Variants in SERINC5 observed in about 807,000 individuals in gnomAD.
SERINC5 encodes the protein serine incorporator 5, also known as chromosome 5 open reading frame 12.
SERINC5 carries 41 observed loss-of-function variants against 63.1 expected under a neutral mutation model. That is an observed-to-expected ratio of 0.65 (90% CI 0.51 to 0.84). The LOEUF is 0.84. Ranked by LOEUF, SERINC5 falls within the 40% of genes least tolerant of loss-of-function variation. The pLI, the probability that SERINC5 is intolerant of heterozygous loss-of-function variation, is 0.00. For missense variants in SERINC5, 523 were observed against 573.0 expected, an observed-to-expected ratio of 0.91 and a Z score of 0.89; for synonymous variants, 222 against 215.2, an observed-to-expected ratio of 1.03 and a Z score of -0.28.
intron 1 of SERINC5, among the ~76,000 whole-genome samples, chr5:80,238,103 C>CAAAAAAAAA (rs759062486): frequency 3.0e-5 from 2 of 65,670 alleles, no homozygotes; most frequent in Non-Finnish European, 6.1e-5. Context: ...GACTCTGTCT[C>CAAAAAAAAA]AAAAAAAAAA....
At chr5:80,114,123 A>G (rs182075222) in intron 11 of SERINC5, among the ~76,000 whole-genome samples, 1 of 152,122 alleles carries the variant, frequency 6.6e-6, no homozygotes, top group East Asian at 1.9e-4. Flanking sequence ...TGAAAGCTAA[A>G]CGTCTTCACC....
rs974823748 is a variant in SERINC5, at chr5:80,140,422, TAAAC to T, written c.*3237_*3240del. On this transcript the variant is annotated 3_prime_UTR_variant, in exon 12 of 12. Coordinates refer to ENST00000507668, the MANE Select transcript of SERINC5 (RefSeq NM_001174072.3). ...AAAGGATCTTCTGAGGAATCGGAAA[TAAAC>T]AATGTTGTATGGAAACAGAACCCCA... 23 of 975,266 alleles carry T rather than the reference TAAAC, an allele frequency of 2.4e-5. No individual in the cohort carries two copies. The highest frequency in any genetic ancestry group is 2.8e-5 in the Non-Finnish European group (23 of 827,758). The allele number at this position is 975,266 out of a possible 1,614,324, so 60.4% of individuals were successfully genotyped here.
intron 1 of SERINC5, among the ~76,000 whole-genome samples, chr5:80,204,699 G>T (rs1263858736): frequency 8.5e-5 from 13 of 152,170 alleles, no homozygotes; most frequent in Admixed American, 7.2e-4. Context: ...AAGAGAAGAA[G>T]CCAAGAACTA....
intron 11 of SERINC5, among the ~76,000 whole-genome samples, chr5:80,130,986 G>C (rs892681165): frequency 2.0e-5 from 3 of 152,222 alleles, no homozygotes; most frequent in Admixed American, 6.5e-5. Flanking sequence ...CAGTAAAGTA[G>C]GGTAGGAAAT....
At chr5:80,192,970 C>T (rs532689896) in intron 2 of SERINC5, among the ~76,000 whole-genome samples, 1 of 152,188 alleles carries the variant, frequency 6.6e-6, no homozygotes, top group East Asian at 1.9e-4. Flanking sequence ...AGTCTAGCAT[C>T]ACAGGCTCCT....
At chr5:80,152,225 G>T (rs1489513390) in intron 8 of SERINC5, among the ~76,000 whole-genome samples, 1 of 152,200 alleles carries the variant, frequency 6.6e-6, no homozygotes, top group African/African-American at 2.4e-5. Context: ...GCCCGGCTGG[G>T]TGTGGTGGCT....
intron 1 of SERINC5, among the ~76,000 whole-genome samples, chr5:80,243,718 C>CA (rs1353234024): frequency 6.7e-6 from 1 of 150,356 alleles, no homozygotes; most frequent in Non-Finnish European, 1.5e-5. Context: ...CCAGCCTGGG[C>CA]AACATAGTGA....
At position 80,205,260 on chromosome 5, in the gene SERINC5, C is replaced by A. The variant is rs553071280; in HGVS notation, c.28-2207G>T. On this transcript the variant is annotated intron_variant, in intron 1 of 11. Transcript: ENST00000507668. ...CCTTTCCATTGCACAGAGCTTTCTTCGTTCACTCCAACTTCACCCTTGTGT... is the reference window on the plus strand; with the variant it reads ...CCTTTCCATTGCACAGAGCTTTCTTAGTTCACTCCAACTTCACCCTTGTGT... Among the ~76,000 whole-genome samples, 88 of 152,324 alleles carry A rather than the reference C, an allele frequency of 5.8e-4. No individual in the cohort carries two copies. In the Middle Eastern group the frequency reaches 0.01, roughly 18 times the overall value.
Position 80,178,046 on chromosome 5 carries a change from T to C in SERINC5, c.214A>G (p.Met72Val). The C allele has an allele frequency of 6.3e-7, 1 of 1,595,816 alleles. No homozygotes were observed. Among genetic ancestry groups the C allele is most frequent in the Non-Finnish European group, 8.5e-7 (1 of 1,174,580 alleles). The change falls in exon 3 of 12, where the codon ATG (methionine) becomes GTG (valine). Residue 72 changes from methionine to valine, a missense_variant. Physicochemically the swap from Met to Val is conservative, Grantham distance 21. Coordinates refer to ENST00000507668, the MANE Select transcript of SERINC5 (RefSeq NM_001174072.3). ...TCACCAGCTTTAATGCCTTTACACA[T>C]ATCTTCAAAAAAAGGAATCTGAGGA... ...MKEHIPFFED[M>V]CKGIKAGDTC...
chr5:80,229,562 G>A (rs1479697801), intron 1 of SERINC5, among the ~76,000 whole-genome samples: 1 of 152,102 alleles, frequency 6.6e-6, no homozygotes, highest in Admixed American at 6.6e-5. Context: ...GCTCCTTAAT[G>A]TAGGGAGAAA....
intron 1 of SERINC5, among the ~76,000 whole-genome samples, chr5:80,208,396 AT>A (rs1422460461): frequency 5.3e-5 from 8 of 151,224 alleles, no homozygotes; most frequent in African/African-American, 1.9e-4. Context: ...ACCTAAGCCT[AT>A]TTTTTAAAAA....
At chr5:80,124,302 T>C (rs569225809) in intron 11 of SERINC5, among the ~76,000 whole-genome samples, 1 of 152,320 alleles carries the variant, frequency 6.6e-6, no homozygotes, top group Non-Finnish European at 1.5e-5. Context: ...GCTGGCCCAC[T>C]TGCAGCTTCC....
chr5:80,192,502 G>C (rs1580144205), intron 2 of SERINC5, among the ~76,000 whole-genome samples: 1 of 151,964 alleles, frequency 6.6e-6, no homozygotes, highest in Admixed American at 6.6e-5. Flanking sequence ...TTTCAGATGG[G>C]GTGGGAAGGA....
chr5:80,233,805 CT>C (rs373920343), intron 1 of SERINC5, among the ~76,000 whole-genome samples: 1,578 of 69,858 alleles, frequency 0.023, 14 homozygotes, highest in African/African-American at 0.043. Flanking sequence ...TCAACTTTTA[CT>C]TTTTTTTTTT....
chr5:80,193,998 A>C (rs1338858406), intron 2 of SERINC5, among the ~76,000 whole-genome samples: 2 of 152,162 alleles, frequency 1.3e-5, no homozygotes, highest in African/African-American at 2.4e-5. Flanking sequence ...CATGGTGAGA[A>C]TTTTCCCTCA....
intron 1 of SERINC5, among the ~76,000 whole-genome samples, chr5:80,224,096 G>C (rs941716784): frequency 7.3e-6 from 1 of 137,432 alleles, no homozygotes; most frequent in Non-Finnish European, 1.5e-5. Context: ...TCCTGTCATT[G>C]CACTCCAGCC....
At position 80,142,724 on chromosome 5, in the gene SERINC5, A is replaced by G. The variant is rs1322578808; in HGVS notation, c.*939T>C. ...AAAAAACTGAGGGGCTGACCTCAACAACTGAAAGAGCAGTGCATGCAGCAG... is the reference window on the plus strand; with the variant it reads ...AAAAAACTGAGGGGCTGACCTCAACGACTGAAAGAGCAGTGCATGCAGCAG... On this transcript the variant is annotated 3_prime_UTR_variant, in exon 12 of 12. Transcript: ENST00000507668. 6 of 985,352 alleles carry G rather than the reference A, an allele frequency of 6.1e-6. No individual in the cohort carries two copies. Among genetic ancestry groups the G allele is most frequent in the Non-Finnish European group, 6.0e-6 (5 of 829,942 alleles). The allele number at this position is 985,352 out of a possible 1,614,324, so 61.0% of individuals were successfully genotyped here.
intron 1 of SERINC5, among the ~76,000 whole-genome samples, chr5:80,221,319 C>T (rs1750894660): frequency 6.6e-6 from 1 of 152,222 alleles, no homozygotes; most frequent in South Asian, 2.1e-4. Context: ...CAACACGCCA[C>T]ACACCCAACA....
At chr5:80,124,608 C>G (rs1744672320) in intron 11 of SERINC5, among the ~76,000 whole-genome samples, 1 of 152,172 alleles carries the variant, frequency 6.6e-6, no homozygotes, top group African/African-American at 2.4e-5. Context: ...TGGGAAGACC[C>G]TAGAGCCGGA....
Sources: gnomAD v4.1 joint callset for allele counts (sites outside exome capture counted in the v4.1 genomes callset) on GRCh38, gnomAD v4.1.1 for gene constraint, MANE v1.5 for transcripts, NCBI Gene and HGNC (gene_info 2026-07-23, HGNC 2026-07-21) for gene names.